EYS: variants seen among roughly 807,000 people sequenced by gnomAD.
EYS encodes EGF-like photoreceptor maintenance factor.
A neutral mutation model predicts 282.1 loss-of-function variants in EYS; 250 were observed. That is an observed-to-expected ratio of 0.89 (90% confidence interval 0.80 to 0.98). The LOEUF (loss-of-function observed/expected upper bound fraction) is 0.98. Ranked by LOEUF, EYS falls within the 50% of genes least tolerant of loss-of-function variation. The probability of loss-of-function intolerance (pLI) is 0.00; values close to 1 mark genes in which losing one functional copy is unlikely to be tolerated. For missense variants in EYS, 4,016 were observed against 3,709.0 expected (o/e 1.08, Z -2.15); for synonymous variants, 1,355 against 1,282.9 (o/e 1.06, Z -1.20).
chr6:63,754,218 G>A (rs938386986), intron 41 of EYS, among the ~76,000 whole-genome samples: 1 of 151,944 alleles, frequency 6.6e-6, no homozygotes, highest in Non-Finnish European at 1.5e-5. Flanking sequence ...TATACTTTAA[G>A]TTCTAGGGTA....
At chr6:65,512,606 A>T (rs1434861107) in intron 2 of EYS, among the ~76,000 whole-genome samples, 1 of 152,098 alleles carries the variant, frequency 6.6e-6, no homozygotes, top group Non-Finnish European at 1.5e-5. Context: ...ACCACAGTGC[A>T]ATCAAACTAG....
intron 22 of EYS, among the ~76,000 whole-genome samples, chr6:64,657,695 T>C (rs1768803991): frequency 6.6e-6 from 1 of 152,236 alleles, no homozygotes; most frequent in African/African-American, 2.4e-5. Flanking sequence ...CACTCTCTTC[T>C]GGCTTGTAGA....
intron 19 of EYS, among the ~76,000 whole-genome samples, chr6:64,827,880 A>C (rs373256375): frequency 6.6e-6 from 1 of 151,928 alleles, no homozygotes; most frequent in African/African-American, 2.4e-5. Flanking sequence ...TCAATCAAAA[A>C]TTATGAAATG....
intron 12 of EYS, among the ~76,000 whole-genome samples, chr6:65,178,318 C>G (rs985775792): frequency 1.3e-5 from 2 of 151,964 alleles, no homozygotes; most frequent in African/African-American, 4.8e-5. Flanking sequence ...TCTTTCTAAA[C>G]TTGTTACTGT....
intron 5 of EYS, among the ~76,000 whole-genome samples, chr6:65,443,590 A>G (rs1314876676): frequency 6.6e-6 from 1 of 151,798 alleles, no homozygotes; most frequent in African/African-American, 2.4e-5. Flanking sequence ...ATACACATAT[A>G]CATATACATC....
intron 39 of EYS, among the ~76,000 whole-genome samples, chr6:63,778,616 CTTA>C (rs1562021834): frequency 6.6e-6 from 1 of 152,002 alleles, no homozygotes; most frequent in East Asian, 1.9e-4. Flanking sequence ...ATACCATTGA[CTTA>C]TTTATACTTT....
chr6:64,801,348 A>G (rs1774546081), intron 22 of EYS, among the ~76,000 whole-genome samples: 4 of 152,306 alleles, frequency 2.6e-5, no homozygotes, highest in Non-Finnish European at 2.9e-5. Context: ...ATTAAAAACC[A>G]TATCATTCTA....
At chr6:64,950,831 ATATT>A (rs71754891) in intron 14 of EYS, among the ~76,000 whole-genome samples, 5,087 of 113,702 alleles carry the variant, frequency 0.045, 153 homozygotes, top group Non-Finnish European at 0.057. Context: ...ATATATATAT[ATATT>A]GTTGAATTGT....
chr6:64,078,131 T>G (rs1274303825), intron 32 of EYS, among the ~76,000 whole-genome samples: 1 of 152,086 alleles, frequency 6.6e-6, no homozygotes, highest in East Asian at 1.9e-4. Flanking sequence ...TTTATCAGCC[T>G]GATAGTTCTC....
chr6:64,195,544 G>A (rs557416365), intron 31 of EYS, among the ~76,000 whole-genome samples: 2 of 152,162 alleles, frequency 1.3e-5, no homozygotes, highest in South Asian at 2.1e-4. Context: ...CTTGTGATCC[G>A]CCCCTCGACC....
At chr6:65,502,548 T>G (rs1766493446) in intron 2 of EYS, among the ~76,000 whole-genome samples, 1 of 151,652 alleles carries the variant, frequency 6.6e-6, no homozygotes, top group Non-Finnish European at 1.5e-5. Flanking sequence ...ATTAGTATAT[T>G]AACTAATGAA....
At chr6:63,768,594 G>T (rs1769855048) in intron 40 of EYS, among the ~76,000 whole-genome samples, 1 of 152,042 alleles carries the variant, frequency 6.6e-6, no homozygotes, top group African/African-American at 2.4e-5. Flanking sequence ...TGGTGAGGTT[G>T]CAATGAAAAG....
Position 64,151,311 on chromosome 6 carries a change from GTATATTTATATATATATA to G in EYS, c.6425-69327_6425-69310del, listed in dbSNP as rs1340938241. ...TATATGTTTTCACACGTGTGTGTGT[GTATATTTATATATATATA>G]TATATATATATATATATATATATAT... On this transcript the variant is annotated intron_variant, in intron 31 of 42. Coordinates refer to ENST00000503581, the MANE Select transcript of EYS (RefSeq NM_001142800.2). Among the ~76,000 whole-genome samples, 248 of 87,170 alleles carry G rather than the reference GTATATTTATATATATATA, an allele frequency of 2.8e-3. 2 individuals are homozygous for G. The highest frequency in any genetic ancestry group is 3.6e-3 in the Admixed American group (25 of 6,874). 57.2% of individuals were successfully genotyped at this position (87,170 alleles called of 152,430 possible).
intron 12 of EYS, among the ~76,000 whole-genome samples, chr6:65,114,353 GAA>G (rs779655768): frequency 8.0e-5 from 11 of 138,160 alleles, no homozygotes; most frequent in South Asian, 4.8e-4. Flanking sequence ...AAGTAGATTT[GAA>G]AAAAAAAAAA....
In EYS at chr6:64,117,805, CTA is replaced by C. The variant is rs201559131; in HGVS notation, c.6425-35805_6425-35804del. 4.4e-3 allele frequency among the ~76,000 whole-genome samples: 666 copies of C among 152,000 alleles called. 2 individuals are homozygous for C. The highest frequency in any genetic ancestry group is 6.2e-3 in the Non-Finnish European group (422 of 67,856). On this transcript the variant is annotated intron_variant, in intron 31 of 42. Coordinates refer to ENST00000503581, the MANE Select transcript of EYS (RefSeq NM_001142800.2). ...CATAGTCTTATATATTTAAAGAAAT[CTA>C]AAAACTTCACCAAAACCTCTTAGAA...
At chr6:65,414,247 C>A (rs145868757) in intron 5 of EYS, among the ~76,000 whole-genome samples, 1 of 152,038 alleles carries the variant, frequency 6.6e-6, no homozygotes, top group African/African-American at 2.4e-5. Flanking sequence ...TGAGCTCAGA[C>A]GAGGATGTAA....
intron 26 of EYS, among the ~76,000 whole-genome samples, chr6:64,505,696 A>G (rs1030228910): frequency 1.3e-5 from 2 of 152,180 alleles, no homozygotes; most frequent in Non-Finnish European, 2.9e-5. Context: ...AAAATGATAT[A>G]CATATCAATT....
At chr6:64,069,336 G>C (rs975497167) in intron 32 of EYS, among the ~76,000 whole-genome samples, 5 of 151,542 alleles carry the variant, frequency 3.3e-5, no homozygotes, top group African/African-American at 1.2e-4. Flanking sequence ...TGTAAATATT[G>C]AATTTTCAGA....
At chr6:65,206,489 T>C (rs1258583151) in intron 12 of EYS, among the ~76,000 whole-genome samples, 1 of 151,772 alleles carries the variant, frequency 6.6e-6, no homozygotes, top group Non-Finnish European at 1.5e-5. Context: ...TTACTGCAAC[T>C]ATTCCAAAAA....
Sources: allele counts gnomAD v4.1 joint callset (sites outside exome capture counted in the v4.1 genomes callset), GRCh38; gene constraint gnomAD v4.1.1; transcripts MANE v1.5; gene names NCBI Gene and HGNC (gene_info 2026-07-23, HGNC 2026-07-21).